The following BCKDHB variants were observed in gnomAD, a reference collection of about 807,000 sequenced individuals.
BCKDHB encodes 2-oxoisovalerate dehydrogenase subunit beta, mitochondrial.
Under a neutral mutation model 48.5 loss-of-function variants are expected in BCKDHB, and 41 were observed. That is an observed-to-expected ratio of 0.85 (90% CI 0.66 to 1.10). The LOEUF is 1.10. Among genes scored for constraint, BCKDHB ranks in the 50% least tolerant of loss-of-function variants. The pLI is 0.00. For synonymous variants in BCKDHB, 201 were observed against 174.8 expected (o/e 1.15, Z -1.18); for missense variants, 496 against 494.2 (o/e 1.00, Z -0.03).
chr6:80,436,905 G>C, the BCKDHB span, among the ~76,000 whole-genome samples: 1 of 152,252 alleles, frequency 6.6e-6, no homozygotes, highest in East Asian at 1.9e-4. Context: ...TCAACTGAAT[G>C]CTTTGGGAGA....
chr6:80,461,217 G>A, the BCKDHB span, among the ~76,000 whole-genome samples: 1 of 152,082 alleles, frequency 6.6e-6, no homozygotes. Flanking sequence ...AACCCATTAT[G>A]TTCTGCCCTG....
chr6:80,210,161 G>A (rs900462950), intron 8 of BCKDHB, among the ~76,000 whole-genome samples: 5 of 146,274 alleles, frequency 3.4e-5, no homozygotes, highest in Non-Finnish European at 4.5e-5. Flanking sequence ...AAAACCAGAA[G>A]CGTTCATAGG....
intron 8 of BCKDHB, among the ~76,000 whole-genome samples, chr6:80,246,813 A>G (rs1224910971): frequency 1.3e-5 from 2 of 152,036 alleles, no homozygotes; most frequent in African/African-American, 4.8e-5. Flanking sequence ...GTCCAGCCCC[A>G]TGCTGACACA....
intron 9 of BCKDHB, among the ~76,000 whole-genome samples, chr6:80,330,292 T>G (rs2128008476): frequency 6.6e-6 from 1 of 152,240 alleles, no homozygotes; most frequent in African/African-American, 2.4e-5. Context: ...CAGGAATTGC[T>G]AAGAAGTAAA....
At chr6:80,418,622 T>A in the BCKDHB span, among the ~76,000 whole-genome samples, 4 of 152,202 alleles carry the variant, frequency 2.6e-5, no homozygotes, top group East Asian at 7.7e-4. Context: ...GGGCCCTGCC[T>A]TTCTTTTCTG....
At chr6:80,140,526 T>C (rs1338117393) in intron 3 of BCKDHB, among the ~76,000 whole-genome samples, 1 of 152,160 alleles carries the variant, frequency 6.6e-6, no homozygotes, top group African/African-American at 2.4e-5. Context: ...GTTGTTGAAT[T>C]TTGTCAAAGG....
At chr6:80,208,592 A>T (rs1341460481) in intron 8 of BCKDHB, among the ~76,000 whole-genome samples, 2 of 151,850 alleles carry the variant, frequency 1.3e-5, no homozygotes, top group Non-Finnish European at 3.0e-5. Flanking sequence ...AACAAAGGAC[A>T]AATATTTGTT....
chr6:80,281,862 G>GA (rs71551700), intron 9 of BCKDHB, among the ~76,000 whole-genome samples: 61,791 of 146,154 alleles, frequency 0.42, 13,438 homozygotes, highest in Admixed American at 0.57. Context: ...AATGAACTTA[G>GA]AAAAAAAAAA....
At chr6:80,224,423 C>G (rs1389427114) in intron 8 of BCKDHB, among the ~76,000 whole-genome samples, 2 of 151,774 alleles carry the variant, frequency 1.3e-5, no homozygotes, top group Admixed American at 1.3e-4. Flanking sequence ...AACAAGGTCT[C>G]ACTGTGTTGC....
chr6:80,424,926 A>G, the BCKDHB span, among the ~76,000 whole-genome samples: 3 of 152,216 alleles, frequency 2.0e-5, no homozygotes, highest in African/African-American at 4.8e-5. Flanking sequence ...AAAGCTTGTC[A>G]TAGTCTTTCT....
At chr6:80,400,555 A>T in the BCKDHB span, among the ~76,000 whole-genome samples, 14,215 of 152,108 alleles carry the variant, frequency 0.093, 1,870 homozygotes, top group African/African-American at 0.29. Context: ...GCTATTAGTA[A>T]AAAGTCAAAA....
the BCKDHB span, among the ~76,000 whole-genome samples, chr6:80,426,251 A>T: frequency 6.6e-6 from 1 of 152,254 alleles, no homozygotes; most frequent in East Asian, 1.9e-4. Context: ...TGTTGAATTC[A>T]TTTGGCTATC....
At chr6:80,428,437 G>A in the BCKDHB span, among the ~76,000 whole-genome samples, 2 of 152,100 alleles carry the variant, frequency 1.3e-5, no homozygotes, top group African/African-American at 4.8e-5. Context: ...GATCCTTGAG[G>A]AGTTGCCATG....
intron 6 of BCKDHB, among the ~76,000 whole-genome samples, chr6:80,179,194 C>T (rs537776063): frequency 3.3e-5 from 5 of 151,928 alleles, no homozygotes; most frequent in South Asian, 2.1e-4. Flanking sequence ...TGCTAATTTT[C>T]GTATTTCTCA....
rs572726093 is a variant in BCKDHB, at chr6:80,242,302, T to C, written c.952-30833T>C. 1.2e-4 allele frequency among the ~76,000 whole-genome samples: 18 copies of C among 152,316 alleles called. No individual in the cohort carries two copies. The South Asian group carries it at 3.5e-3, about 30-fold the overall frequency. On this transcript the variant is annotated intron_variant, in intron 8 of 9. Transcript: ENST00000320393. The stretch of plus-strand genomic sequence containing the variant: ...TGCATCTTTTAACAGTATCCACTGT[T>C]CATGTACACGTGGATTTGTTCATGG...
intron 6 of BCKDHB, among the ~76,000 whole-genome samples, chr6:80,189,716 GTAATTTTTAT>G (rs1773807164): frequency 6.6e-6 from 1 of 152,080 alleles, no homozygotes; most frequent in Non-Finnish European, 1.5e-5. Context: ...TAGGTATTTA[GTAATTTTTAT>G]GTACAGTTAC....
chr6:80,218,992 G>A (rs1420857122), intron 8 of BCKDHB, among the ~76,000 whole-genome samples: 1 of 151,674 alleles, frequency 6.6e-6, no homozygotes, highest in Non-Finnish European at 1.5e-5. Flanking sequence ...GATTCTCTTG[G>A]CATCTAGATC....
chr6:80,334,953 A>G (rs1201944992), intron 9 of BCKDHB, among the ~76,000 whole-genome samples: 1 of 151,880 alleles, frequency 6.6e-6, no homozygotes, highest in East Asian at 1.9e-4. Flanking sequence ...CTGGCTTCTC[A>G]TACTTTTTAG....
chr6:80,130,226 A>T (rs541019182), intron 3 of BCKDHB, among the ~76,000 whole-genome samples: 10 of 152,260 alleles, frequency 6.6e-5, no homozygotes, highest in Admixed American at 5.2e-4. Context: ...GTCTTACCTG[A>T]TTTAGAATTC....
Sources: gnomAD v4.1 joint callset for allele counts (sites outside exome capture counted in the v4.1 genomes callset) on GRCh38, gnomAD v4.1.1 for gene constraint, MANE v1.5 for transcripts, NCBI Gene and HGNC (gene_info 2026-07-23, HGNC 2026-07-21) for gene names.